F13A1: variants seen among roughly 807,000 people sequenced by gnomAD.
F13A1 encodes the protein FSF, A subunit.
F13A1 carries 47 observed loss-of-function variants against 80.1 expected under a neutral mutation model. That is an observed-to-expected ratio of 0.59 (90% CI 0.46 to 0.75). F13A1 has a LOEUF of 0.75. F13A1 is among the 30% of genes least tolerant of loss of function. The probability of loss-of-function intolerance (pLI) is 0.00; values close to 1 mark genes in which losing one functional copy is unlikely to be tolerated. For missense variants in F13A1, 817 were observed against 930.4 expected (o/e 0.88, Z 1.59); for synonymous variants, 349 against 344.9 (o/e 1.01, Z -0.13).
intron 6 of F13A1, among the ~76,000 whole-genome samples, chr6:6,236,464 A>G (rs1757415087): frequency 2.0e-5 from 3 of 152,162 alleles, no homozygotes; most frequent in Admixed American, 2.0e-4. Flanking sequence ...AATTTTGGTC[A>G]TTGGAATATG....
intron 4 of F13A1, among the ~76,000 whole-genome samples, chr6:6,260,142 A>G (rs1757758836): frequency 1.3e-5 from 2 of 152,180 alleles, no homozygotes; most frequent in Non-Finnish European, 1.5e-5. Flanking sequence ...GGTTAGCACC[A>G]CTAAACTAAA....
At chr6:6,220,786 C>T (rs527933293) in intron 8 of F13A1, among the ~76,000 whole-genome samples, 1 of 152,256 alleles carries the variant, frequency 6.6e-6, no homozygotes, top group Non-Finnish European at 1.5e-5. Flanking sequence ...AAGGTTTTGT[C>T]TTACACGTGC....
At chr6:6,154,425 G>A (rs1554159804) in intron 13 of F13A1, among the ~76,000 whole-genome samples, 1 of 152,140 alleles carries the variant, frequency 6.6e-6, no homozygotes, top group Non-Finnish European at 1.5e-5. Context: ...CTGACATATC[G>A]GGCTGGATGC....
chr6:6,145,733 C>T lies in F13A1; in HGVS notation c.2085G>A (p.Val695=). ...GATGCCCAGAGACCCAGGGCCGGCACACTTCTTCCCACTGCACGGTGGAGT... is the reference window on the plus strand; with the variant it reads ...GATGCCCAGAGACCCAGGGCCGGCATACTTCTTCCCACTGCACGGTGGAGT... ...RPNSTVQWEE[V]CRPWVSGHRK... Residue 695 remains valine, a synonymous_variant, in exon 15 of 15, where the codon GTG becomes GTA. Transcript: ENST00000264870. 6.2e-7 allele frequency: 1 copy of T among 1,614,114 alleles called. No homozygotes were observed.
At chr6:6,167,310 G>T in intron 13 of F13A1, 148 bp downstream of exon 13, 1 of 923,104 alleles carries the variant, frequency 1.1e-6, no homozygotes, top group Non-Finnish European at 1.7e-6. Context: ...AGAACAAGAG[G>T]ATCCTAGCAC....
At chr6:6,268,386 T>C (rs933852023) in intron 3 of F13A1, among the ~76,000 whole-genome samples, 1 of 152,218 alleles carries the variant, frequency 6.6e-6, no homozygotes, top group African/African-American at 2.4e-5. Context: ...CCTAGGGTGA[T>C]ACAACTAGCA....
At chr6:6,151,020 A>G (rs1263438160) in intron 14 of F13A1, among the ~76,000 whole-genome samples, 1 of 152,242 alleles carries the variant, frequency 6.6e-6, no homozygotes, top group Non-Finnish European at 1.5e-5. Context: ...TCCAGATGGC[A>G]GAATTAGGAT....
chr6:6,229,531 A>G (rs1389930003), intron 6 of F13A1, among the ~76,000 whole-genome samples: 8 of 152,238 alleles, frequency 5.3e-5, no homozygotes, highest in African/African-American at 1.9e-4. Flanking sequence ...CAAAGATGAT[A>G]CAACATAAGG....
chr6:6,219,751 G>T lies in F13A1; in HGVS notation c.1112+2282C>A, dbSNP rs759239511. On this transcript the variant is annotated intron_variant, in intron 8 of 14. Transcript: ENST00000264870. The stretch of plus-strand genomic sequence containing the variant: ...TGGGTGTTTGCACTGGTGAGGCCAA[G>T]TGTCTGCTTTTTCTTTAAAAATACC... 8.5e-5 allele frequency among the ~76,000 whole-genome samples: 13 copies of T among 152,190 alleles called. 1 individual carries two copies. Among genetic ancestry groups the T allele is most frequent in the African/African-American group, 3.1e-4 (13 of 41,440 alleles).
intron 3 of F13A1, among the ~76,000 whole-genome samples, chr6:6,296,849 T>C (rs954169795): frequency 1.3e-5 from 2 of 148,610 alleles, no homozygotes; most frequent in African/African-American, 5.2e-5. Flanking sequence ...ATGCTTCCAG[T>C]TTTGGCCCAT....
rs183001540 is a variant in F13A1, at chr6:6,243,227, C to T, written c.798+5085G>A. On this transcript the variant is annotated intron_variant, in intron 6 of 14. Transcript: ENST00000264870. The surrounding 1 kb of genome is among the most constrained non-coding windows in gnomAD (Gnocchi z 4.2). ...CTCCTACCATCACCACCACCATCAC[C>T]GTCACCATCTCCACCACCACCATCA... Among the ~76,000 whole-genome samples the T allele has an allele frequency of 1.6e-3, 247 of 151,400 alleles. 2 individuals carry two copies. The highest frequency in any genetic ancestry group is 8.8e-3 in the East Asian group (45 of 5,136).
At chr6:6,145,902 T>C (rs925612014) in intron 14 of F13A1, 130 bp from the exon 15 acceptor site, 3 of 1,223,172 alleles carry the variant, frequency 2.5e-6, no homozygotes, top group Non-Finnish European at 3.5e-6. Context: ...CTGAAGACTC[T>C]CACTGGCTGA....
intron 12 of F13A1, among the ~76,000 whole-genome samples, chr6:6,171,523 C>T (rs988565576): frequency 6.6e-6 from 1 of 152,118 alleles, no homozygotes; most frequent in Non-Finnish European, 1.5e-5. Flanking sequence ...GACTGGTTCT[C>T]GCTGCTTCCA....
At chr6:6,168,872 T>C (rs1318216665) in intron 12 of F13A1, among the ~76,000 whole-genome samples, 1 of 152,212 alleles carries the variant, frequency 6.6e-6, no homozygotes, top group Non-Finnish European at 1.5e-5. Context: ...CCATCATCTG[T>C]GGAGGAACTC....
intron 4 of F13A1, 123 bp from the exon 5 acceptor site, chr6:6,251,052 CCT>C: frequency 2.5e-6 from 2 of 797,762 alleles, no homozygotes; most frequent in South Asian, 2.7e-5. Flanking sequence ...TAAAAAATGC[CCT>C]TTGTTTCACC....
At chr6:6,315,731 A>G (rs1018269138) in intron 2 of F13A1, among the ~76,000 whole-genome samples, 1 of 151,998 alleles carries the variant, frequency 6.6e-6, no homozygotes, top group Non-Finnish European at 1.5e-5. Flanking sequence ...CAGCTTGCTA[A>G]CTGGAAGAGT....
intron 12 of F13A1, 97 bp downstream of exon 12, chr6:6,174,483 C>T: frequency 1.4e-6 from 2 of 1,385,362 alleles, no homozygotes; most frequent in African/African-American, 1.4e-5. Context: ...TTGGAGGGAA[C>T]TTTAACTTTG....
intron 4 of F13A1, among the ~76,000 whole-genome samples, chr6:6,264,147 C>T (rs535374733): frequency 2.6e-5 from 4 of 152,320 alleles, no homozygotes; most frequent in African/African-American, 9.6e-5. Flanking sequence ...GATTGTCCAC[C>T]TCCTGAGTAG....
In F13A1 at chr6:6,248,298, T is replaced by C. The variant is rs748849885; in HGVS notation, c.798+14A>G. ...AGGTGTAACAGATTTTAGGTATCAG[T>C]AATTGCTGCTTACCATTGCAGACCC... On this transcript the variant is annotated intron_variant, in intron 6 of 14. Coordinates refer to ENST00000264870, the MANE Select transcript of F13A1 (RefSeq NM_000129.4). 3.1e-6 allele frequency: 5 copies of C among 1,607,372 alleles called. No homozygotes were observed. The highest frequency in any genetic ancestry group is 4.5e-5 in the East Asian group (2 of 44,836).
Sources: allele counts gnomAD v4.1 joint callset (sites outside exome capture counted in the v4.1 genomes callset), GRCh38; gene constraint gnomAD v4.1.1; non-coding constraint Gnocchi (gnomAD v3.1); transcripts MANE v1.5; gene names NCBI Gene and HGNC (gene_info 2026-07-23, HGNC 2026-07-21).